CSMD1: variants seen among roughly 807,000 people sequenced by gnomAD.
CSMD1 encodes the protein CUB and sushi domain-containing protein 1.
CSMD1 carries 213 observed loss-of-function variants against 417.5 expected under a neutral mutation model. The ratio of observed to expected loss-of-function variants is 0.51; its 90% CI spans 0.46 to 0.57. CSMD1 has a LOEUF of 0.57. CSMD1 is among the 20% of genes least tolerant of loss of function. The probability of loss-of-function intolerance (pLI) is 0.00; values close to 1 mark genes in which losing one functional copy is unlikely to be tolerated. For missense variants in CSMD1, 6,923 were observed against 4,529.7 expected, an observed-to-expected ratio of 1.53 and a Z score of -15.17; for synonymous variants, 2,862 against 1,736.8, an observed-to-expected ratio of 1.65 and a Z score of -16.11.
chr8:4,170,814 T>A (rs536537048), intron 3 of CSMD1, among the ~76,000 whole-genome samples: 40 of 152,022 alleles, frequency 2.6e-4, no homozygotes, highest in African/African-American at 9.0e-4. Context: ...TATGTATTCA[T>A]CATGATCTTC....
intron 4 of CSMD1, among the ~76,000 whole-genome samples, chr8:4,004,135 A>C (rs1347940870): frequency 6.6e-6 from 1 of 152,110 alleles, no homozygotes; most frequent in East Asian, 1.9e-4. Context: ...TTTCAAGTTA[A>C]CTATAAAGAC....
At chr8:4,032,437 G>A (rs1209388933) in intron 3 of CSMD1, among the ~76,000 whole-genome samples, 3 of 152,052 alleles carry the variant, frequency 2.0e-5, no homozygotes, top group African/African-American at 4.8e-5. Context: ...GCAACCAGAT[G>A]TCAGTGTCAG....
chr8:4,786,852 T>G (rs73661128), intron 1 of CSMD1, among the ~76,000 whole-genome samples: 358 of 152,312 alleles, frequency 2.4e-3, no homozygotes, highest in African/African-American at 8.4e-3. Context: ...TGAATGATAC[T>G]TCCAAGAAAA....
At chr8:3,754,145 G>A (rs532210081) in intron 5 of CSMD1, 103 bp from the exon 6 acceptor site, 8 of 668,418 alleles carry the variant, frequency 1.2e-5, no homozygotes, top group Non-Finnish European at 2.6e-6. Flanking sequence ...CCTTCATCTT[G>A]AGATGCTTAA....
At chr8:3,040,383 T>C (rs1811003284) in intron 50 of CSMD1, among the ~76,000 whole-genome samples, 1 of 78,100 alleles carries the variant, frequency 1.3e-5, no homozygotes, top group East Asian at 3.6e-4. Context: ...CATATACACA[T>C]TGAAATATAT....
intron 49 of CSMD1, among the ~76,000 whole-genome samples, chr8:3,067,770 T>C (rs1208953239): frequency 6.6e-6 from 1 of 151,950 alleles, no homozygotes; most frequent in African/African-American, 2.4e-5. Context: ...ATAATAATTT[T>C]ACAACTTTAT....
Position 3,284,293 on chromosome 8 carries a change from C to G in CSMD1, c.4004G>C (p.Trp1335Ser), listed in dbSNP as rs1802972343. ...GATGTCACTGTCCACCGGCCCGTCC[C>G]AGACCTTGAGGATGTCGTGAGCCAT... ...TEMAHDILKV[W>S]DGPVDSDILL... Residue 1335 changes from tryptophan (W) to serine (S), a missense_variant, in exon 26 of 70, where the codon TGG (tryptophan) becomes TCG (serine). Coordinates refer to ENST00000635120, the MANE Select transcript of CSMD1 (RefSeq NM_033225.6). 5.0e-6 allele frequency: 8 copies of G among 1,613,944 alleles called. No individual in the cohort carries two copies. The highest frequency in any genetic ancestry group is 6.8e-6 in the Non-Finnish European group (8 of 1,179,860).
intron 7 of CSMD1, among the ~76,000 whole-genome samples, chr8:3,664,738 G>T (rs1563249125): frequency 6.6e-6 from 1 of 152,164 alleles, no homozygotes; most frequent in African/African-American, 2.4e-5. Context: ...ATCTAATGAA[G>T]ATGTCCAGGT....
intron 5 of CSMD1, among the ~76,000 whole-genome samples, chr8:3,759,079 G>A (rs182472119): frequency 8.5e-5 from 13 of 152,326 alleles, no homozygotes; most frequent in African/African-American, 3.1e-4. Flanking sequence ...CACCTTGATT[G>A]TAGATGTGAG....
At chr8:3,433,071 T>G (rs1229064160) in intron 12 of CSMD1, among the ~76,000 whole-genome samples, 1 of 152,188 alleles carries the variant, frequency 6.6e-6, no homozygotes, top group Non-Finnish European at 1.5e-5. Flanking sequence ...GCAACCTAGT[T>G]TTTAAAAGTT....
intron 1 of CSMD1, among the ~76,000 whole-genome samples, chr8:4,954,614 C>A (rs1042090501): frequency 1.3e-5 from 2 of 152,106 alleles, no homozygotes; most frequent in African/African-American, 4.8e-5. Context: ...GAAGGATATA[C>A]TATAAAATAA....
At chr8:4,760,642 A>G (rs1433351640) in intron 1 of CSMD1, among the ~76,000 whole-genome samples, 2 of 152,216 alleles carry the variant, frequency 1.3e-5, no homozygotes, top group Admixed American at 6.5e-5. Flanking sequence ...TTGTATAAGT[A>G]TGCTGGTATC....
chr8:4,495,155 C>A (rs548515064), intron 2 of CSMD1, among the ~76,000 whole-genome samples: 2 of 152,024 alleles, frequency 1.3e-5, no homozygotes, highest in Non-Finnish European at 1.5e-5. Flanking sequence ...AGGTAGGAAC[C>A]GGGACTTCCA....
intron 1 of CSMD1, among the ~76,000 whole-genome samples, chr8:4,924,373 G>A (rs1161755478): frequency 1.3e-5 from 2 of 151,866 alleles, no homozygotes; most frequent in Non-Finnish European, 2.9e-5. Context: ...TATTTTTATT[G>A]AATTAAAAAC....
intron 3 of CSMD1, among the ~76,000 whole-genome samples, chr8:4,258,811 A>G (rs1803667282): frequency 6.6e-6 from 1 of 152,110 alleles, no homozygotes; most frequent in Non-Finnish European, 1.5e-5. Context: ...CTCTAAGGGC[A>G]CAGCAGCAGA....
At chr8:4,602,121 T>C (rs1293134618) in intron 2 of CSMD1, among the ~76,000 whole-genome samples, 1 of 152,130 alleles carries the variant, frequency 6.6e-6, no homozygotes. Context: ...CTCAGGAAAA[T>C]CTTTCTGCTC....
rs190647540 is a variant in CSMD1 at position 2,972,310 on chromosome 8, A to C, written c.8923+807T>G. On this transcript the variant is annotated intron_variant, in intron 57 of 69. Coordinates refer to ENST00000635120, the MANE Select transcript of CSMD1 (RefSeq NM_033225.6). Reference sequence around the variant, plus strand: ...TGTATGTGAGCTTACTCAAGTTGGTAAAATTATTTGGTTGGAAAGTGTTTC... The same window carrying C: ...TGTATGTGAGCTTACTCAAGTTGGTCAAATTATTTGGTTGGAAAGTGTTTC... Among the ~76,000 whole-genome samples the C allele has an allele frequency of 5.1e-3, 784 of 152,350 alleles. 6 individuals are homozygous for C. The highest frequency in any genetic ancestry group is 0.017 in the African/African-American group (706 of 41,578).
chr8:3,676,739 A>C (rs1196702919), intron 7 of CSMD1, among the ~76,000 whole-genome samples: 1 of 152,290 alleles, frequency 6.6e-6, no homozygotes, highest in Non-Finnish European at 1.5e-5. Context: ...ATACGTATAT[A>C]ATAAACATAG....
At chr8:4,761,211 T>C (rs1415087968) in intron 1 of CSMD1, among the ~76,000 whole-genome samples, 1 of 151,974 alleles carries the variant, frequency 6.6e-6, no homozygotes, top group Non-Finnish European at 1.5e-5. Context: ...TCTACCAGAG[T>C]AGCCAGGAGG....
Sources: gnomAD v4.1 joint callset for allele counts (sites outside exome capture counted in the v4.1 genomes callset) on GRCh38, gnomAD v4.1.1 for gene constraint, MANE v1.5 for transcripts, NCBI Gene and HGNC (gene_info 2026-07-23, HGNC 2026-07-21) for gene names.